TBC1D13: variants seen among roughly 807,000 people sequenced by gnomAD.
TBC1D13 encodes the protein TBC1 domain family member 13.
A neutral mutation model predicts 53.6 loss-of-function variants in TBC1D13; 40 were observed. The ratio of observed to expected loss-of-function variants is 0.75; its 90% CI spans 0.58 to 0.97. The LOEUF is 0.97. Among genes scored for constraint, TBC1D13 ranks in the 50% least tolerant of loss-of-function variants. The pLI is 0.00. For synonymous variants in TBC1D13, 182 were observed against 197.7 expected, an observed-to-expected ratio of 0.92 and a Z score of 0.67; for missense variants, 377 against 499.4, an observed-to-expected ratio of 0.75 and a Z score of 2.34.
At chr9:128,788,552 C>T in intron 2 of TBC1D13, 145 bp downstream of exon 2, 1 of 688,390 alleles carries the variant, frequency 1.5e-6, no homozygotes. Context: ...CTCTTGGGGC[C>T]TTTTCCAGAT....
chr9:128,798,162 A>T (rs1829668988), intron 7 of TBC1D13, among the ~76,000 whole-genome samples: 1 of 152,196 alleles, frequency 6.6e-6, no homozygotes, highest in Non-Finnish European at 1.5e-5. Flanking sequence ...CTTAGGCAGT[A>T]GAATTGCTCG....
chr9:128,799,808 T>C (rs560914028), intron 7 of TBC1D13, among the ~76,000 whole-genome samples: 1 of 152,128 alleles, frequency 6.6e-6, no homozygotes, highest in African/African-American at 2.4e-5. Context: ...GATCATGAGG[T>C]CAGGAGATCG....
At chr9:128,791,820 C>T in intron 5 of TBC1D13, 127 bp downstream of exon 5, 1 of 741,490 alleles carries the variant, frequency 1.3e-6, no homozygotes, top group South Asian at 1.6e-5. Flanking sequence ...CTGGACCTCC[C>T]AGTTCCTCCT....
intron 6 of TBC1D13, among the ~76,000 whole-genome samples, chr9:128,794,568 C>T (rs568209457): frequency 1.3e-5 from 2 of 151,774 alleles, no homozygotes; most frequent in Admixed American, 1.3e-4. Context: ...ATCCGCTTCC[C>T]GGGTTCAAGC....
chr9:128,797,265 C>T, intron 7 of TBC1D13, 51 bp downstream of exon 7: 1 of 1,592,214 alleles, frequency 6.3e-7, no homozygotes. Flanking sequence ...TATTTTCTTT[C>T]CTTTTTCTCT....
Position 128,790,873 on chromosome 9 carries a change from C to T in TBC1D13, c.138+98C>T, listed in dbSNP as rs1026535378. ...CCTGGCTTCTTCCTCCTGTTCTGCA[C>T]CTTTCCTTGCTTGTCTGAGGGAGCT... On this transcript the variant is annotated intron_variant, in intron 3 of 11. Transcript: ENST00000372648. The T allele has an allele frequency of 4.7e-6, 6 of 1,284,088 alleles. No individual in the cohort carries two copies. In the African/African-American group the frequency reaches 6.2e-5, roughly 13 times the overall value. The allele number at this position is 1,284,088 out of a possible 1,614,324, so 79.5% of individuals were successfully genotyped here.
chr9:128,803,053 G>GT (rs1236735398), intron 7 of TBC1D13, among the ~76,000 whole-genome samples, 197 bp from the exon 8 acceptor site: 3 of 151,706 alleles, frequency 2.0e-5, no homozygotes. Context: ...CTCTTTTTTT[G>GT]TTTTTGTTTT....
chr9:128,787,522 T>A, intron 1 of TBC1D13, 146 bp downstream of exon 1: 7 of 830,928 alleles, frequency 8.4e-6, no homozygotes, highest in Non-Finnish European at 1.1e-5. Flanking sequence ...CTAACCTCAT[T>A]GCCTGTGGGC....
At chr9:128,795,540 A>G (rs1413730576) in intron 6 of TBC1D13, among the ~76,000 whole-genome samples, 2 of 129,704 alleles carry the variant, frequency 1.5e-5, no homozygotes, top group Non-Finnish European at 3.1e-5. Context: ...GGCTCACTGC[A>G]AGCTCCGCCT....
At chr9:128,788,033 A>G (rs555254407) in intron 1 of TBC1D13, among the ~76,000 whole-genome samples, 3 of 152,300 alleles carry the variant, frequency 2.0e-5, no homozygotes, top group Admixed American at 1.3e-4. Flanking sequence ...CTCACTAAGT[A>G]TTAGAATGTT....
Position 128,803,122 on chromosome 9 carries a change from C to T in TBC1D13, c.544-128C>T, listed in dbSNP as rs937165453. The T allele has an allele frequency of 3.7e-5, 28 of 764,986 alleles. 2 individuals are homozygous for T. Among genetic ancestry groups the T allele is most frequent in the South Asian group, 3.1e-4 (19 of 61,528 alleles). 47.4% of individuals were successfully genotyped at this position (764,986 alleles called of 1,614,324 possible). Reference sequence around the variant, plus strand: ...AGGCTGGAATGCAATGGTGTAATCACGGCTCACTGCAGCCTCGACCACTGG... The same window carrying T: ...AGGCTGGAATGCAATGGTGTAATCATGGCTCACTGCAGCCTCGACCACTGG... On this transcript the variant is annotated intron_variant, in intron 7 of 11. Coordinates refer to ENST00000372648, the MANE Select transcript of TBC1D13 (RefSeq NM_018201.5).
In TBC1D13 at chr9:128,791,236, C is replaced by T; in HGVS notation, c.139-144C>T. ...GGAGGAAGGGGGAGGCTACCCCTAG[C>T]TCATGCTGGCATTCCTGGATTTTAG... On this transcript the variant is annotated intron_variant, in intron 3 of 11. Transcript: ENST00000372648. The T allele has an allele frequency of 7.7e-6, 6 of 780,756 alleles. No homozygotes were observed. In the South Asian group the frequency reaches 9.4e-5, roughly 12 times the overall value. 48.4% of individuals were successfully genotyped at this position (780,756 alleles called of 1,614,324 possible). A position where few individuals can be genotyped will look rare whatever the true frequency, so the allele number is the denominator to read the frequency against.
chr9:128,807,371 G>A (rs946729202), intron 11 of TBC1D13, among the ~76,000 whole-genome samples: 10 of 152,150 alleles, frequency 6.6e-5, no homozygotes, highest in Admixed American at 2.6e-4. Context: ...ACAGGTGTGA[G>A]CCACCAAGCC....
At position 128,804,125 on chromosome 9, in the gene TBC1D13, G is replaced by C. The variant is rs1829785100; in HGVS notation, c.918+6G>C. The C allele has an allele frequency of 6.2e-7, 1 of 1,613,620 alleles. No individual in the cohort carries two copies. The highest frequency in any genetic ancestry group is 8.5e-7 in the Non-Finnish European group (1 of 1,179,906). ...TGGAGCTCTACCTGAAACTGGTGAG[G>C]ACCCCAGGAACAGACGGGTGGAAAG... On this transcript the variant is annotated splice_donor_region_variant and intron_variant, in intron 9 of 11. Transcript: ENST00000372648.
chr9:128,791,322 A>G, intron 3 of TBC1D13, 58 bp from the exon 4 acceptor site: 1 of 1,517,022 alleles, frequency 6.6e-7, no homozygotes, highest in Non-Finnish European at 9.2e-7. Context: ...ATCCCCGCCT[A>G]AAGACTGACG....
chr9:128,790,312 G>A (rs1001124577), intron 2 of TBC1D13, among the ~76,000 whole-genome samples: 6 of 146,940 alleles, frequency 4.1e-5, no homozygotes, highest in Admixed American at 1.4e-4. Context: ...GGTGGCTCAC[G>A]CCTGTAATCC....
intron 7 of TBC1D13, among the ~76,000 whole-genome samples, chr9:128,799,946 G>A (rs532358714): frequency 7.2e-5 from 11 of 152,330 alleles, no homozygotes; most frequent in South Asian, 4.1e-4. Context: ...GCGTGAACCC[G>A]GGAGGCAGAG....
rs139504114 is a variant in TBC1D13, at chr9:128,797,197, C to T, written c.526C>T (p.Arg176Trp). ...TLKSQTVARNRSGVTNMSSPH... is the reference protein window; with the variant it reads ...TLKSQTVARNWSGVTNMSSPH... ...GAAATCTCAGACGGTGGCCCGGAAC[C>T]GGAGTGGGGTCACAAATGTGAGTGC... Residue 176 changes from arginine (R) to tryptophan (W), a missense_variant, in exon 7 of 12, where the codon CGG becomes TGG. Coordinates refer to ENST00000372648, the MANE Select transcript of TBC1D13 (RefSeq NM_018201.5). 1.9e-5 allele frequency: 31 copies of T among 1,613,886 alleles called. No individual in the cohort carries two copies. The highest frequency in any genetic ancestry group is 6.7e-5 in the East Asian group (3 of 44,880).
At chr9:128,806,133 G>A (rs1215468828) in intron 10 of TBC1D13, 114 bp downstream of exon 10, 1 of 1,585,954 alleles carries the variant, frequency 6.3e-7, no homozygotes, top group Admixed American at 1.7e-5. Context: ...GGCTGGAGTG[G>A]GATTCTGGAG....
Sources: gnomAD v4.1 joint callset for allele counts (sites outside exome capture counted in the v4.1 genomes callset) on GRCh38, gnomAD v4.1.1 for gene constraint, MANE v1.5 for transcripts, NCBI Gene and HGNC (gene_info 2026-07-23, HGNC 2026-07-21) for gene names.